The following EXOC1L variants were observed in gnomAD, a reference collection of about 807,000 sequenced individuals.
EXOC1L encodes the protein exocyst complex component 1-like.
In EXOC1L, 10 loss-of-function variants were observed where a neutral mutation model predicts 4.9. That is an observed-to-expected ratio of 2.02 (90% confidence interval 1.25 to 3.43). EXOC1L has a LOEUF of 3.43. Ranked by LOEUF, EXOC1L falls within the 30% of genes most tolerant of loss-of-function variation. EXOC1L has a pLI of 0.00. For synonymous variants in EXOC1L, 41 were observed against 20.8 expected, an observed-to-expected ratio of 1.97 and a Z score of -2.63; for missense variants, 114 against 59.4, an observed-to-expected ratio of 1.92 and a Z score of -3.02.
intron 1 of EXOC1L, among the ~76,000 whole-genome samples, chr4:55,820,689 A>ATAT (rs1203652892): frequency 1.3e-5 from 2 of 152,262 alleles, no homozygotes; most frequent in African/African-American, 4.8e-5. Context: ...TTTCTCTTAT[A>ATAT]GGAAGTGTGC....
rs142338079 is a variant in EXOC1L at position 55,822,581 on chromosome 4, A to ATTT, written c.121+2436_121+2437insTTT. On this transcript the variant is annotated intron_variant, in intron 1 of 2. Transcript: ENST00000636125. ...AATGCTGAAGGACTTGACATAGCAT[A>ATTT]TTAAAGCATTAGCCAAAACTGGATG... 8.1e-3 allele frequency among the ~76,000 whole-genome samples: 1,235 copies of ATTT among 152,348 alleles called. 25 individuals carry two copies. Among genetic ancestry groups the ATTT allele is most frequent in the African/African-American group, 0.028 (1,157 of 41,582 alleles).
intron 1 of EXOC1L, among the ~76,000 whole-genome samples, chr4:55,821,035 A>G (rs890518721): frequency 6.6e-6 from 1 of 152,192 alleles, no homozygotes; most frequent in Non-Finnish European, 1.5e-5. Flanking sequence ...TTGCCTATCT[A>G]AGGAACACAC....
intron 1 of EXOC1L, 58 bp downstream of exon 1, chr4:55,820,205 G>T: frequency 2.5e-6 from 1 of 396,418 alleles, no homozygotes; most frequent in South Asian, 1.3e-4. Context: ...ATGCTTGGAT[G>T]ATAGAGGGAA....
chr4:55,822,341 G>GATGT (rs1719768043), intron 1 of EXOC1L, among the ~76,000 whole-genome samples: 1 of 152,132 alleles, frequency 6.6e-6, no homozygotes, highest in East Asian at 1.9e-4. Context: ...GGTTTGCTAG[G>GATGT]ATGTACATGG....
chr4:55,832,260 C>A (rs776076642), intron 2 of EXOC1L, among the ~76,000 whole-genome samples: 2 of 152,084 alleles, frequency 1.3e-5, no homozygotes, highest in Non-Finnish European at 2.9e-5. Flanking sequence ...TTATCATAGG[C>A]TGATAGATGA....
chr4:55,820,481 T>A (rs1402152832), intron 1 of EXOC1L, among the ~76,000 whole-genome samples: 1 of 152,212 alleles, frequency 6.6e-6, no homozygotes, highest in South Asian at 2.1e-4. Flanking sequence ...AGCTCATTTT[T>A]AAAAATGCAA....
intron 2 of EXOC1L, among the ~76,000 whole-genome samples, chr4:55,832,912 G>A (rs1275780625): frequency 6.6e-6 from 1 of 152,088 alleles, no homozygotes; most frequent in African/African-American, 2.4e-5. Context: ...TTAGCCAAAA[G>A]CACTTATCTC....
intron 1 of EXOC1L, among the ~76,000 whole-genome samples, chr4:55,829,807 T>C (rs549160673): frequency 6.6e-6 from 1 of 152,314 alleles, no homozygotes; most frequent in South Asian, 2.1e-4. Context: ...CAGCCTCACA[T>C]CACTCCATCC....
At chr4:55,824,779 T>C (rs1250187105) in intron 1 of EXOC1L, among the ~76,000 whole-genome samples, 1 of 152,228 alleles carries the variant, frequency 6.6e-6, no homozygotes, top group Admixed American at 6.5e-5. Flanking sequence ...TTGCGTTTAT[T>C]GTGACTTAGC....
chr4:55,833,788 A>C (rs1265363467), intron 2 of EXOC1L, among the ~76,000 whole-genome samples: 1 of 151,944 alleles, frequency 6.6e-6, no homozygotes, highest in Non-Finnish European at 1.5e-5. Flanking sequence ...ATTCCATCCC[A>C]ACATTGTTGA....
At chr4:55,827,644 A>G (rs1292740196) in intron 1 of EXOC1L, among the ~76,000 whole-genome samples, 1 of 152,224 alleles carries the variant, frequency 6.6e-6, no homozygotes, top group Admixed American at 6.5e-5. Context: ...TAGATGAGGC[A>G]GTGGAATTTG....
intron 1 of EXOC1L, 99 bp downstream of exon 1, chr4:55,820,246 A>G (rs911054753): frequency 5.1e-6 from 2 of 393,006 alleles, no homozygotes; most frequent in African/African-American, 4.1e-5. Flanking sequence ...TTTCCTATAT[A>G]GCACGTGTAC....
chr4:55,835,653 C>G (rs1720140574), intron 2 of EXOC1L, among the ~76,000 whole-genome samples: 1 of 151,992 alleles, frequency 6.6e-6, no homozygotes, highest in African/African-American at 2.4e-5. Context: ...TGTATATCTT[C>G]TTTTAAGAAT....
intron 2 of EXOC1L, among the ~76,000 whole-genome samples, chr4:55,833,611 C>T (rs891752133): frequency 6.6e-6 from 1 of 151,796 alleles, no homozygotes; most frequent in African/African-American, 2.4e-5. Context: ...AATCTTTGAC[C>T]CATTTTTCTT....
At chr4:55,825,355 C>T (rs544986064) in intron 1 of EXOC1L, among the ~76,000 whole-genome samples, 15 of 152,230 alleles carry the variant, frequency 9.9e-5, no homozygotes, top group East Asian at 1.9e-4. Flanking sequence ...CACATTTGCC[C>T]GGCACTATGG....
chr4:55,820,189 C>A, intron 1 of EXOC1L, 42 bp downstream of exon 1: 1 of 398,470 alleles, frequency 2.5e-6, no homozygotes, highest in South Asian at 1.3e-4. Flanking sequence ...AGCAAGTCAC[C>A]CAAAGATGCT....
At position 55,819,813 on chromosome 4, in the gene EXOC1L, G is replaced by A. The variant is rs886953534; in HGVS notation, c.-214G>A. The A allele has an allele frequency of 5.8e-6, 2 of 343,182 alleles. No homozygotes were observed. The highest frequency in any genetic ancestry group is 1.0e-5 in the Non-Finnish European group (2 of 191,988). 21.3% of individuals were successfully genotyped at this position (343,182 alleles called of 1,614,324 possible). A position where few individuals can be genotyped will look rare whatever the true frequency, so the allele number is the denominator to read the frequency against. On this transcript the variant is annotated 5_prime_UTR_variant, in exon 1 of 3. Transcript: ENST00000636125. ...TATTTTGGCTGCCGCCGCCGCTGCT[G>A]CCACTGGGCAGATACCGCAGTGAGG...
intron 2 of EXOC1L, among the ~76,000 whole-genome samples, chr4:55,836,784 C>T (rs1202074623): frequency 6.6e-6 from 1 of 151,860 alleles, no homozygotes; most frequent in Non-Finnish European, 1.5e-5. Context: ...TATTTATTCC[C>T]TACTCATCCT....
At position 55,825,706 on chromosome 4, in the gene EXOC1L, A is replaced by G. The variant is rs1246373203; in HGVS notation, c.121+5559A>G. 2.6e-5 allele frequency among the ~76,000 whole-genome samples: 4 copies of G among 152,234 alleles called. No individual in the cohort carries two copies. The East Asian group carries it at 7.7e-4, about 29-fold the overall frequency. On this transcript the variant is annotated intron_variant, in intron 1 of 2. Coordinates refer to ENST00000636125, the MANE Select transcript of EXOC1L (RefSeq NM_001351574.3). Reference sequence around the variant, plus strand: ...CTCATGTCCTTACTTGCTTATAACCAATCTTTTTCATTTTAAAGACACTCA... The same window carrying G: ...CTCATGTCCTTACTTGCTTATAACCGATCTTTTTCATTTTAAAGACACTCA...
Sources: gnomAD v4.1 joint callset for allele counts (sites outside exome capture counted in the v4.1 genomes callset) on GRCh38, gnomAD v4.1.1 for gene constraint, MANE v1.5 for transcripts, NCBI Gene and HGNC (gene_info 2026-07-23, HGNC 2026-07-21) for gene names.